Variants in MTUS2 observed in about 807,000 individuals in gnomAD.
MTUS2 encodes microtubule associated scaffold protein 2.
MTUS2 carries 40 observed loss-of-function variants against 114.1 expected under a neutral mutation model. The observed-to-expected ratio is 0.35, with a 90% confidence interval of 0.27 to 0.46. The LOEUF is 0.46. MTUS2 is among the 20% of genes least tolerant of loss of function. The pLI is 1.00. For missense variants in MTUS2, 1,679 were observed against 1,705.4 expected, an observed-to-expected ratio of 0.98 and a Z score of 0.27; for synonymous variants, 688 against 672.0, an observed-to-expected ratio of 1.02 and a Z score of -0.37.
intron 5 of MTUS2, among the ~76,000 whole-genome samples, chr13:29,252,587 TGTG>T (rs1436940532): frequency 1.3e-5 from 2 of 152,190 alleles, no homozygotes; most frequent in East Asian, 3.9e-4. Context: ...ATGGTTTGGC[TGTG>T]TCCTCACCCA....
In MTUS2 at chr13:29,498,399, T is replaced by TG. The variant is rs778328062; in HGVS notation, c.3679-17dup. The TG allele has an allele frequency of 8.1e-6, 13 of 1,613,704 alleles. No individual in the cohort carries two copies. In the East Asian group the frequency reaches 2.9e-4, roughly 36 times the overall value. ...GCCGGGAATCCTGGTCAACAGCTCA[T>TG]GGCTCTCTGCCTCTGTAGATTGCAT... On this transcript the variant is annotated intron_variant, in intron 13 of 15. Transcript: ENST00000612955.
intron 7 of MTUS2, among the ~76,000 whole-genome samples, chr13:29,338,636 G>A (rs1593320512): frequency 6.6e-6 from 1 of 152,048 alleles, no homozygotes; most frequent in Non-Finnish European, 1.5e-5. Flanking sequence ...TCACAAAAAT[G>A]TAGGTTTTAC....
intron 4 of MTUS2, among the ~76,000 whole-genome samples, chr13:29,092,770 G>GA (rs1447328426): frequency 6.6e-6 from 1 of 150,436 alleles, no homozygotes; most frequent in Non-Finnish European, 1.5e-5. Context: ...CAAAGTGACA[G>GA]AAAAATCATG....
Position 29,286,672 on chromosome 13 carries a change from G to GTCTGTCTATCTATCTA in MTUS2, c.2806+4810_2806+4811insGTCTATCTATCTATCT, listed in dbSNP as rs577593135. 2.3e-3 allele frequency among the ~76,000 whole-genome samples: 254 copies of GTCTGTCTATCTATCTA among 111,006 alleles called. 2 individuals are homozygous for GTCTGTCTATCTATCTA. The highest frequency in any genetic ancestry group is 7.6e-3 in the African/African-American group (239 of 31,272). The allele number at this position is 111,006 out of a possible 152,430, so 72.8% of individuals were successfully genotyped here. On this transcript the variant is annotated intron_variant, in intron 6 of 15. Transcript: ENST00000612955. ...TATCTGTCTGTCTGTCTGTCTGTCT[G>GTCTGTCTATCTATCTA]TCTATCTATCTATCTATCTATCTAT...
intron 8 of MTUS2, 135 bp from the exon 9 acceptor site, chr13:29,439,848 A>T: frequency 1.4e-6 from 1 of 736,056 alleles, no homozygotes; most frequent in Non-Finnish European, 2.3e-6. Flanking sequence ...TTACATGCTT[A>T]TATAATGTGA....
At chr13:29,256,393 C>G (rs113268811) in intron 5 of MTUS2, among the ~76,000 whole-genome samples, 1 of 152,168 alleles carries the variant, frequency 6.6e-6, no homozygotes, top group Admixed American at 6.5e-5. Context: ...GGCCAGGTGC[C>G]AAGCCCTGTA....
At chr13:29,356,918 A>G (rs1321917885) in intron 7 of MTUS2, among the ~76,000 whole-genome samples, 1 of 152,140 alleles carries the variant, frequency 6.6e-6, no homozygotes, top group Non-Finnish European at 1.5e-5. Flanking sequence ...AGAGCGGCTA[A>G]ACTTTCACTT....
At chr13:29,091,593 G>A (rs969401596) in intron 4 of MTUS2, among the ~76,000 whole-genome samples, 8 of 152,068 alleles carry the variant, frequency 5.3e-5, no homozygotes, top group Non-Finnish European at 1.2e-4. Context: ...GTGCTCTATA[G>A]ATCTGGAGCC....
chr13:29,005,921 A>G (rs1885581929), intron 2 of MTUS2, among the ~76,000 whole-genome samples: 1 of 152,172 alleles, frequency 6.6e-6, no homozygotes, highest in Non-Finnish European at 1.5e-5. Flanking sequence ...AGATGAAACT[A>G]TTTCCATGTT....
intron 6 of MTUS2, among the ~76,000 whole-genome samples, chr13:29,292,324 G>A (rs1310839281): frequency 1.3e-5 from 2 of 152,180 alleles, no homozygotes; most frequent in African/African-American, 2.4e-5. Flanking sequence ...ACAATAGAAT[G>A]TACCCTGGAA....
intron 4 of MTUS2, among the ~76,000 whole-genome samples, chr13:29,075,098 A>G (rs1323909531): frequency 6.6e-6 from 1 of 152,200 alleles, no homozygotes; most frequent in East Asian, 1.9e-4. Context: ...TGATGGAGTT[A>G]TACAATCTGT....
At chr13:28,868,929 C>G (rs1293405879) in intron 2 of MTUS2, among the ~76,000 whole-genome samples, 1 of 152,168 alleles carries the variant, frequency 6.6e-6, no homozygotes, top group Non-Finnish European at 1.5e-5. Flanking sequence ...TGAGTGATCC[C>G]ATTCCATGGC....
intron 5 of MTUS2, among the ~76,000 whole-genome samples, chr13:29,108,338 C>T (rs1173326481): frequency 6.6e-6 from 1 of 152,148 alleles, no homozygotes; most frequent in African/African-American, 2.4e-5. Context: ...GAGTTGCACC[C>T]AGAGATAGGA....
At chr13:29,467,143 T>A (rs57888514) in intron 9 of MTUS2, among the ~76,000 whole-genome samples, 3,496 of 152,188 alleles carry the variant, frequency 0.023, 119 homozygotes, top group African/African-American at 0.075. Flanking sequence ...GCTTATTAAA[T>A]GATTGGGTCA....
In MTUS2 at chr13:29,407,835, C is replaced by CT. The variant is rs560226223; in HGVS notation, c.3118-32148_3118-32147insT. ...ATGTATGAATGTACCGTTTACTCCA[C>CT]GTACTAGCCAACTGAGATATCATCA... On this transcript the variant is annotated intron_variant, in intron 8 of 15. Coordinates refer to ENST00000612955, the MANE Select transcript of MTUS2 (RefSeq NM_001033602.4). 4.5e-3 allele frequency among the ~76,000 whole-genome samples: 689 copies of CT among 152,248 alleles called. 4 individuals are homozygous for CT. Among genetic ancestry groups the CT allele is most frequent in the Middle Eastern group, 0.024 (7 of 294 alleles).
chr13:29,115,864 C>T (rs372706654), intron 5 of MTUS2, among the ~76,000 whole-genome samples: 7 of 152,156 alleles, frequency 4.6e-5, no homozygotes, highest in African/African-American at 1.7e-4. Context: ...GTGTTCCCTC[C>T]AACTGATTCT....
intron 4 of MTUS2, among the ~76,000 whole-genome samples, chr13:29,066,802 T>C (rs1284671412): frequency 6.6e-6 from 1 of 152,260 alleles, no homozygotes; most frequent in Non-Finnish European, 1.5e-5. Flanking sequence ...TAGGAAGAGA[T>C]GAATACTTGA....
intron 9 of MTUS2, among the ~76,000 whole-genome samples, chr13:29,471,042 A>C (rs56913054): frequency 6.6e-6 from 1 of 151,934 alleles, no homozygotes; most frequent in African/African-American, 2.4e-5. Flanking sequence ...AATTTTTACT[A>C]TCTGAAATTT....
intron 1 of MTUS2, among the ~76,000 whole-genome samples, chr13:28,823,079 C>T (rs1874019433): frequency 6.6e-6 from 1 of 151,824 alleles, no homozygotes; most frequent in Non-Finnish European, 1.5e-5. Context: ...TAAAGCTCTT[C>T]CTCCTCTCAG....
Sources: gnomAD v4.1 joint callset for allele counts (sites outside exome capture counted in the v4.1 genomes callset) on GRCh38, gnomAD v4.1.1 for gene constraint, MANE v1.5 for transcripts, NCBI Gene and HGNC (gene_info 2026-07-23, HGNC 2026-07-21) for gene names.